Variants in CCDC17 observed in about 807,000 individuals in gnomAD.
CCDC17 encodes coiled-coil domain-containing protein 17.
CCDC17 carries 79 observed loss-of-function variants against 68.0 expected under a neutral mutation model. The observed-to-expected ratio is 1.16, with a 90% CI of 0.97 to 1.40. The LOEUF (loss-of-function observed/expected upper bound fraction) is 1.40. Among genes scored for constraint, CCDC17 ranks in the 40% most tolerant of loss-of-function variants. CCDC17 has a pLI of 0.00. For synonymous variants in CCDC17, 376 were observed against 337.5 expected (o/e 1.11, Z -1.25); for missense variants, 846 against 811.5 (o/e 1.04, Z -0.52).
rs535311920 is a variant in CCDC17, at chr1:45,623,095, A to T, written c.516T>A (p.Val172=). ...ACATCCCGCCCCGCGTACAGGCCAC[A>T]ACTTGGAGGCGTCGGCTCAGTTCTG... ...RGEELSRRLQ[V]VACTRGGMSR... The change falls in exon 4 of 13, where the codon GTT becomes GTA. Residue 172 remains valine (V), a synonymous_variant. Transcript: ENST00000528266. 11 of 1,584,686 alleles carry T rather than the reference A, an allele frequency of 6.9e-6. No homozygotes were observed. The highest frequency in any genetic ancestry group is 9.4e-6 in the Non-Finnish European group (11 of 1,166,044).
In CCDC17 at chr1:45,621,275, A is replaced by G. The variant is rs1457383108; in HGVS notation, c.1388+6T>C. 1 of 1,568,374 alleles carries G rather than the reference A, an allele frequency of 6.4e-7. No individual in the cohort carries two copies. On this transcript the variant is annotated splice_donor_region_variant and intron_variant, in intron 10 of 12. Transcript: ENST00000528266. ...AGTACCAGAGTCATGATCCCCACCT[A>G]CTGACCTGGGCACAGGCTGCCTGCT...
intron 12 of CCDC17, 115 bp from the exon 13 acceptor site, chr1:45,620,548 T>A (rs760381205): frequency 1.4e-4 from 210 of 1,469,216 alleles, no homozygotes; most frequent in Non-Finnish European, 1.8e-4. Flanking sequence ...GTTAACCTGC[T>A]CCTGCTTTGA....
Position 45,623,291 on chromosome 1 carries a change from G to C in CCDC17, c.419C>G (p.Ala140Gly). The change falls in exon 3 of 13, where the codon GCG becomes GGG. Residue 140 changes from alanine to glycine, a missense_variant. Coordinates refer to ENST00000528266, the MANE Select transcript of CCDC17 (RefSeq NM_001114938.3). ...AVGSPSERLR[A>G]LFRTRARRVA... ...GCGCCTCGCGCGAGTCCTGAACAGCGCCCGCAGCCGCTCGCTGGGGCTTCC... is the reference window on the plus strand; with the variant it reads ...GCGCCTCGCGCGAGTCCTGAACAGCCCCCGCAGCCGCTCGCTGGGGCTTCC... The C allele has an allele frequency of 6.5e-7, 1 of 1,548,564 alleles. No homozygotes were observed. Among genetic ancestry groups the C allele is most frequent in the Non-Finnish European group, 8.7e-7 (1 of 1,146,804 alleles).
chr1:45,623,821 G>C lies in CCDC17; in HGVS notation c.89C>G (p.Thr30Ser), dbSNP rs982518138. 3.9e-6 allele frequency: 6 copies of C among 1,551,518 alleles called. No individual in the cohort carries two copies. In the Admixed American group the frequency reaches 9.8e-5, roughly 25 times the overall value. ...FRSSALLATHTQRFCIGHPTQ... is the reference protein window; with the variant it reads ...FRSSALLATHSQRFCIGHPTQ... The stretch of plus-strand genomic sequence containing the variant: ...CGGGTGGCCAATGCAGAAGCGCTGA[G>C]TATGGGTGGCTAACAGAGCTGAGGA... Residue 30 changes from threonine (T) to serine (S), a missense_variant, in exon 1 of 13, where the codon ACT becomes AGT. Transcript: ENST00000528266.
At chr1:45,620,600 G>C (rs1167777989) in intron 12 of CCDC17, 123 bp downstream of exon 12, 1 of 1,506,548 alleles carries the variant, frequency 6.6e-7, no homozygotes, top group Admixed American at 2.1e-5. Flanking sequence ...AGAGATGTGA[G>C]GATCAAACAA....
In CCDC17 at chr1:45,623,543, G is replaced by C; in HGVS notation, c.270+14C>G. On this transcript the variant is annotated intron_variant, in intron 2 of 12. Transcript: ENST00000528266. Reference sequence around the variant, plus strand: ...TCAACGTTTTGAGCCCTGGGGGAAGGTAGGTAGCTCTACCTCCTCTGTTAA... The same window carrying C: ...TCAACGTTTTGAGCCCTGGGGGAAGCTAGGTAGCTCTACCTCCTCTGTTAA... 1.3e-6 allele frequency: 2 copies of C among 1,548,516 alleles called. No individual in the cohort carries two copies. The highest frequency in any genetic ancestry group is 2.7e-5 in the African/African-American group (2 of 73,180).
intron 7 of CCDC17, 68 bp from the exon 8 acceptor site, chr1:45,622,063 C>G: frequency 1.4e-6 from 2 of 1,480,788 alleles, no homozygotes; most frequent in South Asian, 2.4e-5. Flanking sequence ...ATACCCCTCC[C>G]CCAAGAGTTG....
Position 45,621,659 on chromosome 1 carries a change from C to T in CCDC17, c.1163G>A (p.Gly388Asp), listed in dbSNP as rs780733912. Residue 388 changes from glycine to aspartate, a missense_variant, in exon 9 of 13, where the codon GGC (glycine) becomes GAC (aspartate). Transcript: ENST00000528266. ...HFLLPTSDML[G>D]PAPYDPGAGL... The stretch of plus-strand genomic sequence containing the variant: ...TCACCCAGGATCATAGGGTGCAGGG[C>T]CCAGCATGTCCGATGTGGGCAGGAG... The T allele has an allele frequency of 6.2e-7, 1 of 1,613,844 alleles. No homozygotes were observed. The highest frequency in any genetic ancestry group is 1.1e-5 in the South Asian group (1 of 91,040).
chr1:45,623,891 C>G lies in CCDC17; in HGVS notation c.19G>C (p.Glu7Gln). Residue 7 changes from glutamate to glutamine, a missense_variant, in exon 1 of 13, where the codon GAG becomes CAG. Transcript: ENST00000528266. ...GTCCCACAGGGCAGGAGCGCAGGCT[C>G]CCCAGAGTGGGAGTCCATGGGATGG... MDSHSG[E>Q]PALLPCGTCD... 3.3e-6 allele frequency: 5 copies of G among 1,528,468 alleles called. No individual in the cohort carries two copies. Among genetic ancestry groups the G allele is most frequent in the Non-Finnish European group, 4.4e-6 (5 of 1,137,398 alleles). The allele number at this position is 1,528,468 out of a possible 1,614,324, so 94.7% of individuals were successfully genotyped here. A position where few individuals can be genotyped will look rare whatever the true frequency, so the allele number is the denominator to read the frequency against.
At position 45,621,699 on chromosome 1, in the gene CCDC17, G is replaced by C. The variant is rs1213778068; in HGVS notation, c.1123C>G (p.Leu375Val). ...GTGGGCAGGAGGAAGTGTGAGTCCA[G>C]GCCCAGGTTTCTGGTCATTGTTCCA... ...LPGTMTRNLG[L>V]DSHFLLPTSD... is the part of the protein sequence containing the mutation. The change falls in exon 9 of 13, where the codon CTG (leucine) becomes GTG (valine). Residue 375 changes from leucine (L) to valine (V), a missense_variant. Transcript: ENST00000528266. 6.2e-7 allele frequency: 1 copy of C among 1,613,816 alleles called. No individual in the cohort carries two copies. The highest frequency in any genetic ancestry group is 2.2e-5 in the East Asian group (1 of 44,894).
Position 45,620,368 on chromosome 1 carries a change from T to C in CCDC17, c.1776A>G (p.Pro592=). The C allele has an allele frequency of 6.2e-7, 1 of 1,605,862 alleles. No homozygotes were observed. Among genetic ancestry groups the C allele is most frequent in the Non-Finnish European group, 8.5e-7 (1 of 1,177,050 alleles). The change falls in exon 13 of 13, where the codon CCA becomes CCG. Residue 592 remains proline, a synonymous_variant. Transcript: ENST00000528266. Reference sequence around the variant, plus strand: ...CACTGAGGGGCTCTTCTGTACGAGGTGGGGGATCAGCAAAGCCAACTGCGG... The same window carrying C: ...CACTGAGGGGCTCTTCTGTACGAGGCGGGGGATCAGCAAAGCCAACTGCGG... ...LTPAVGFADP[P]PRTEEPLSGV...
At position 45,624,049 on chromosome 1, in the gene CCDC17, AGTTT is replaced by A. The variant is rs1159667222; in HGVS notation, c.-144_-141del. ...GTCTATTAGGTCTGTGAGATCTTCA[AGTTT>A]GTTTGGGGAGAGCCTTAGCTCCCTG... On this transcript the variant is annotated 5_prime_UTR_variant, in exon 1 of 13. Coordinates refer to ENST00000528266, the MANE Select transcript of CCDC17 (RefSeq NM_001114938.3). The A allele has an allele frequency of 1.2e-5, 8 of 643,018 alleles. No individual in the cohort carries two copies. Among genetic ancestry groups the A allele is most frequent in the East Asian group, 2.8e-5 (1 of 35,748 alleles). 39.8% of individuals were successfully genotyped at this position (643,018 alleles called of 1,614,324 possible). A position where few individuals can be genotyped will look rare whatever the true frequency, so the allele number is the denominator to read the frequency against.
At chr1:45,621,832 C>A in intron 8 of CCDC17, 45 bp downstream of exon 8, 1 of 1,593,130 alleles carries the variant, frequency 6.3e-7, no homozygotes, top group Non-Finnish European at 8.6e-7. Context: ...GTTCCCCCAA[C>A]CCACCCCGTG....
rs1222174202 is a variant in CCDC17 at position 45,620,935 on chromosome 1, G to C, written c.1567C>G (p.Leu523Val). 1.2e-6 allele frequency: 2 copies of C among 1,613,858 alleles called. No homozygotes were observed. Among genetic ancestry groups the C allele is most frequent in the Non-Finnish European group, 1.7e-6 (2 of 1,179,832 alleles). Residue 523 changes from leucine (L) to valine (V), a missense_variant, in exon 11 of 13, where the codon CTT (leucine) becomes GTT (valine). Coordinates refer to ENST00000528266, the MANE Select transcript of CCDC17 (RefSeq NM_001114938.3). Reference sequence around the variant, plus strand: ...ATCCCATTCAGCTGCCCAAGGCTAAGGCTGGGGTCCAGAGGAAGGGCCCGA... The same window carrying C: ...ATCCCATTCAGCTGCCCAAGGCTAACGCTGGGGTCCAGAGGAAGGGCCCGA... ...PLRALPLDPS[L>V]SLGQLNGIPQ...
Position 45,620,804 on chromosome 1 carries a change from C to T in CCDC17, c.1629G>A (p.Leu543=). The T allele has an allele frequency of 1.2e-6, 2 of 1,611,448 alleles. No homozygotes were observed. Among genetic ancestry groups the T allele is most frequent in the Non-Finnish European group, 1.7e-6 (2 of 1,178,810 alleles). Residue 543 remains leucine (L), a synonymous_variant, in exon 12 of 13, where the codon CTG becomes CTA. Transcript: ENST00000528266. ...GTACAGCTGCATCTCTTGCATTCAC[C>T]AGCCGCAGAAAGAGCTCAGCCTGAC... ...QAGQAELFLR[L]VNARDAAVQT...
chr1:45,622,393 T>C, intron 6 of CCDC17, 45 bp from the exon 7 acceptor site: 1 of 1,555,684 alleles, frequency 6.4e-7, no homozygotes, highest in South Asian at 1.2e-5. Flanking sequence ...CTCTGGTGAC[T>C]GGCCGCGTCC....
rs886703506 is a variant in CCDC17 at position 45,623,386 on chromosome 1, G to A, written c.324C>T (p.Val108=). 12 of 1,550,568 alleles carry A rather than the reference G, an allele frequency of 7.7e-6. No homozygotes were observed. Among genetic ancestry groups the A allele is most frequent in the African/African-American group, 1.4e-5 (1 of 73,066 alleles). ...TCCAGGGCCCCGCGAACACCCTGGG[G>A]ACCTCTGTTATCCAGGGCCGCATTT... ...LQEMRPWITE[V]PRVFAGPWTR... is the part of the protein sequence containing the mutation. The change falls in exon 3 of 13, where the codon GTC becomes GTT. Residue 108 remains valine, a synonymous_variant. Coordinates refer to ENST00000528266, the MANE Select transcript of CCDC17 (RefSeq NM_001114938.3).
chr1:45,622,629 TCCCGGCC>T lies in CCDC17; in HGVS notation c.772_778del (p.Gly258ThrfsTer39). 1 of 1,556,818 alleles carries T rather than the reference TCCCGGCC, an allele frequency of 6.4e-7. No individual in the cohort carries two copies. ...CCATATCTGGCCCAGCACGCCGGGGTCCCGGCCCCCGTCTCGAATGTAGGCCTCCCGC... is the reference window on the plus strand; with the variant it reads ...CCATATCTGGCCCAGCACGCCGGGGTCCCGTCTCGAATGTAGGCCTCCCGC... On this transcript the variant is annotated frameshift_variant, in exon 6 of 13. Coordinates refer to ENST00000528266, the MANE Select transcript of CCDC17 (RefSeq NM_001114938.3). LOFTEE classifies it high-confidence loss of function.
At position 45,622,356 on chromosome 1, in the gene CCDC17, G is replaced by A. The variant is rs867723857; in HGVS notation, c.860-8C>T. On this transcript the variant is annotated splice_polypyrimidine_tract_variant and splice_region_variant and intron_variant, in intron 6 of 12. Coordinates refer to ENST00000528266, the MANE Select transcript of CCDC17 (RefSeq NM_001114938.3). ...AGGTGGCACCTGCCCTTCCTGCGAT[G>A]AACAAGTGTGACCTGTCACCTTTGA... 5.0e-6 allele frequency: 8 copies of A among 1,601,130 alleles called. No homozygotes were observed. Among genetic ancestry groups the A allele is most frequent in the Non-Finnish European group, 6.8e-6 (8 of 1,175,404 alleles).
Sources: allele counts gnomAD v4.1 joint callset, GRCh38; gene constraint gnomAD v4.1.1; transcripts MANE v1.5; gene names NCBI Gene and HGNC (gene_info 2026-07-23, HGNC 2026-07-21).